The following NKAIN3 variants were observed in gnomAD, a reference collection of about 807,000 sequenced individuals.
NKAIN3 encodes sodium/potassium transporting ATPase interacting 3, also known as sodium/potassium-transporting ATPase subunit beta-1-interacting protein 3.
NKAIN3 carries 25 observed loss-of-function variants against 30.2 expected under a neutral mutation model. The observed-to-expected ratio is 0.83, with a 90% CI of 0.60 to 1.16. NKAIN3 has a LOEUF of 1.16. Ranked by LOEUF, NKAIN3 falls within the 50% of genes most tolerant of loss-of-function variation. The pLI, the probability that NKAIN3 is intolerant of heterozygous loss-of-function variation, is 0.00. For synonymous variants in NKAIN3, 91 were observed against 89.6 expected, an observed-to-expected ratio of 1.02 and a Z score of -0.09; for missense variants, 225 against 254.1, an observed-to-expected ratio of 0.89 and a Z score of 0.78.
At chr8:62,452,336 C>T (rs748871552) in intron 1 of NKAIN3, among the ~76,000 whole-genome samples, 21 of 151,876 alleles carry the variant, frequency 1.4e-4, no homozygotes, top group Middle Eastern at 3.2e-3. Flanking sequence ...ATTAGGTGGG[C>T]GTGGTGGCAT....
At chr8:62,545,061 C>A (rs1489749549) in intron 1 of NKAIN3, among the ~76,000 whole-genome samples, 1 of 152,096 alleles carries the variant, frequency 6.6e-6, no homozygotes, top group Non-Finnish European at 1.5e-5. Flanking sequence ...GTCTGGCTGT[C>A]TTGGGAACTG....
chr8:62,922,745 A>T (rs974541946), intron 5 of NKAIN3, among the ~76,000 whole-genome samples: 51 of 146,440 alleles, frequency 3.5e-4, no homozygotes, highest in African/African-American at 1.0e-3. Flanking sequence ...CAGTGCATAT[A>T]TTTTTTTTTT....
intron 1 of NKAIN3, among the ~76,000 whole-genome samples, chr8:62,454,432 G>T (rs968898221): frequency 6.6e-6 from 1 of 152,008 alleles, no homozygotes; most frequent in African/African-American, 2.4e-5. Context: ...GATTGGACAA[G>T]CTTGTATTAT....
intron 1 of NKAIN3, among the ~76,000 whole-genome samples, chr8:62,370,183 G>A (rs902417416): frequency 5.3e-5 from 8 of 151,978 alleles, no homozygotes; most frequent in African/African-American, 1.7e-4. Flanking sequence ...TGAAATTGCT[G>A]TATCTGTCAC....
chr8:62,286,755 T>A (rs980780742), intron 1 of NKAIN3, among the ~76,000 whole-genome samples: 2 of 152,068 alleles, frequency 1.3e-5, no homozygotes, highest in East Asian at 1.9e-4. Context: ...CTGACTTGTG[T>A]TCTTTGCCTG....
At chr8:62,512,082 C>A (rs1807829181) in intron 1 of NKAIN3, among the ~76,000 whole-genome samples, 1 of 152,086 alleles carries the variant, frequency 6.6e-6, no homozygotes, top group African/African-American at 2.4e-5. Context: ...GTGCTTTTAG[C>A]AAAATGAACT....
intron 5 of NKAIN3, among the ~76,000 whole-genome samples, chr8:62,933,029 C>CACACACACACACACA (rs3222063): frequency 2.0e-5 from 3 of 151,296 alleles, no homozygotes; most frequent in South Asian, 2.1e-4. Flanking sequence ...CACACACACA[C>CACACACACACACACA]CAGGGAATGA....
At chr8:62,626,757 C>T (rs80257113) in intron 3 of NKAIN3, among the ~76,000 whole-genome samples, 5,669 of 152,092 alleles carry the variant, frequency 0.037, 162 homozygotes, top group African/African-American at 0.079. Context: ...GAAAATAGTA[C>T]CCAGCACACC....
intron 4 of NKAIN3, chr8:62,855,147 T>A (rs1359105795): frequency 1.3e-5 from 3 of 236,090 alleles, no homozygotes; most frequent in African/African-American, 2.3e-5. Context: ...GGACTACACC[T>A]TCACCGTGGC....
chr8:62,915,770 A>G (rs12681101), intron 4 of NKAIN3, among the ~76,000 whole-genome samples: 16,035 of 152,242 alleles, frequency 0.11, 936 homozygotes, highest in East Asian at 0.17. Flanking sequence ...ACGTTATGAA[A>G]CCATCACTAT....
At chr8:62,615,285 G>T (rs1811416783) in intron 3 of NKAIN3, among the ~76,000 whole-genome samples, 1 of 152,026 alleles carries the variant, frequency 6.6e-6, no homozygotes, top group African/African-American at 2.4e-5. Context: ...TGTCTGGGAG[G>T]TAGGACCTCA....
In NKAIN3 at chr8:62,520,268, C is replaced by T. The variant is rs375533396; in HGVS notation, c.55-59271C>T. Among the ~76,000 whole-genome samples, 16 of 152,106 alleles carry T rather than the reference C, an allele frequency of 1.1e-4. No homozygotes were observed. In the East Asian group the frequency reaches 2.5e-3, roughly 24 times the overall value. On this transcript the variant is annotated intron_variant, in intron 1 of 6. Transcript: ENST00000623646. ...CTCTTTCAACCTTTTAATACTGTGT[C>T]AGATTTATGATACTTAGGGAAGTAT...
intron 1 of NKAIN3, among the ~76,000 whole-genome samples, chr8:62,493,853 G>T (rs1182510657): frequency 6.6e-6 from 1 of 152,124 alleles, no homozygotes; most frequent in African/African-American, 2.4e-5. Flanking sequence ...AGGAATGCTA[G>T]TGATTTTTGA....
At position 62,896,164 on chromosome 8, in the gene NKAIN3, G is replaced by GC. The variant is rs1233522230; in HGVS notation, c.472-22283dup. Reference sequence around the variant, plus strand: ...CCAGCATAGTCAGGCTCGGGTGAGGGCCCCCCTCTTGATTCACAGATGGAT... The same window carrying GC: ...CCAGCATAGTCAGGCTCGGGTGAGGGCCCCCCCTCTTGATTCACAGATGGAT... On this transcript the variant is annotated intron_variant, in intron 4 of 6. Transcript: ENST00000623646. 2.6e-5 allele frequency among the ~76,000 whole-genome samples: 4 copies of GC among 151,942 alleles called. No homozygotes were observed. In the East Asian group the frequency reaches 7.7e-4, roughly 29 times the overall value.
intron 4 of NKAIN3, among the ~76,000 whole-genome samples, chr8:62,813,100 G>T (rs1010137583): frequency 6.6e-6 from 1 of 151,896 alleles, no homozygotes; most frequent in African/African-American, 2.4e-5. Flanking sequence ...ATTAAAAAGG[G>T]TGTGTCCTTT....
chr8:62,599,234 G>A (rs777403601), intron 3 of NKAIN3, among the ~76,000 whole-genome samples: 3 of 151,928 alleles, frequency 2.0e-5, no homozygotes, highest in East Asian at 1.9e-4. Context: ...ATTTGTTACC[G>A]CAGGCTTGAG....
intron 3 of NKAIN3, among the ~76,000 whole-genome samples, chr8:62,723,475 G>A (rs188558810): frequency 1.3e-3 from 197 of 152,106 alleles, no homozygotes; most frequent in Non-Finnish European, 2.1e-3. Context: ...AGCATAAAAG[G>A]GAAAACATCG....
intron 1 of NKAIN3, among the ~76,000 whole-genome samples, chr8:62,501,731 A>G (rs1807460226): frequency 6.6e-6 from 1 of 152,152 alleles, no homozygotes; most frequent in Non-Finnish European, 1.5e-5. Flanking sequence ...ACTCAACTTA[A>G]AAGCTGAAAT....
chr8:62,961,179 G>A (rs1177663352), intron 6 of NKAIN3, among the ~76,000 whole-genome samples: 1 of 152,060 alleles, frequency 6.6e-6, no homozygotes, highest in Non-Finnish European at 1.5e-5. Context: ...TACTTGGAAG[G>A]CTGAGGCAGG....
Sources: allele counts gnomAD v4.1 joint callset (sites outside exome capture counted in the v4.1 genomes callset), GRCh38; gene constraint gnomAD v4.1.1; transcripts MANE v1.5; gene names NCBI Gene and HGNC (gene_info 2026-07-23, HGNC 2026-07-21).